The following OOSP1 variants were observed in gnomAD, a reference collection of about 807,000 sequenced individuals.
OOSP1 encodes the protein putative oocyte-secreted protein 1 homolog.
OOSP1 carries 11 observed loss-of-function variants against 5.7 expected under a neutral mutation model. That is an observed-to-expected ratio of 1.94 (90% confidence interval 1.22 to 3.20). The LOEUF (loss-of-function observed/expected upper bound fraction) is 3.20. Among genes scored for constraint, OOSP1 ranks in the 30% most tolerant of loss-of-function variants. The pLI, the probability that OOSP1 is intolerant of heterozygous loss-of-function variation, is 0.00. For synonymous variants in OOSP1, 44 were observed against 20.0 expected, an observed-to-expected ratio of 2.20 and a Z score of -3.20; for missense variants, 83 against 54.1, an observed-to-expected ratio of 1.53 and a Z score of -1.67.
intron 2 of OOSP1, 119 bp from the exon 3 acceptor site, chr11:59,945,050 G>A: frequency 1.6e-6 from 1 of 638,854 alleles, no homozygotes; most frequent in Non-Finnish European, 2.8e-6. Flanking sequence ...TTATAGTTGA[G>A]TGAGAGTGTG....
At chr11:59,952,915 C>T (rs188208027) in intron 4 of OOSP1, among the ~76,000 whole-genome samples, 54 of 152,248 alleles carry the variant, frequency 3.5e-4, no homozygotes, top group Admixed American at 1.8e-3. Context: ...CCCATTCAAT[C>T]GTTCCTTCTA....
intron 3 of OOSP1, among the ~76,000 whole-genome samples, chr11:59,947,313 G>A (rs1853894678): frequency 6.6e-6 from 1 of 151,784 alleles, no homozygotes. Flanking sequence ...TTAAGTGGTT[G>A]AGCCTCCTTA....
intron 3 of OOSP1, among the ~76,000 whole-genome samples, chr11:59,945,782 A>T (rs1853876969): frequency 1.4e-5 from 2 of 146,246 alleles, no homozygotes; most frequent in South Asian, 2.2e-4. Flanking sequence ...AAAAAATGTC[A>T]GAGACTGGGT....
chr11:59,942,744 G>C (rs1325151175), intron 1 of OOSP1, 103 bp from the exon 2 acceptor site: 3 of 600,220 alleles, frequency 5.0e-6, no homozygotes, highest in Admixed American at 2.9e-5. Context: ...TTTTGTTTTA[G>C]TAAGGGATGA....
chr11:59,952,967 A>G (rs1167209975), intron 4 of OOSP1, among the ~76,000 whole-genome samples: 1 of 151,770 alleles, frequency 6.6e-6, no homozygotes, highest in Non-Finnish European at 1.5e-5. Context: ...GCCCCTTCCC[A>G]TTTTCCATTA....
Position 59,938,537 on chromosome 11 carries a change from C to T in OOSP1, c.76+7C>T, listed in dbSNP as rs777230334. The T allele has an allele frequency of 7.4e-6, 4 of 538,108 alleles. No individual in the cohort carries two copies. Among genetic ancestry groups the T allele is most frequent in the East Asian group, 6.5e-5 (2 of 30,892 alleles). The allele number at this position is 538,108 out of a possible 1,614,324, so 33.3% of individuals were successfully genotyped here. A position where few individuals can be genotyped will look rare whatever the true frequency, so the allele number is the denominator to read the frequency against. ...TGCGCTGGGGACTGGTCAGGTATAACTTATCACTTGGGGAATAGAAGTTTC... is the reference window on the plus strand; with the variant it reads ...TGCGCTGGGGACTGGTCAGGTATAATTTATCACTTGGGGAATAGAAGTTTC... On this transcript the variant is annotated splice_region_variant and intron_variant, in intron 1 of 4. Transcript: ENST00000646685.
At chr11:59,945,077 T>C in intron 2 of OOSP1, 92 bp from the exon 3 acceptor site, 1 of 668,658 alleles carries the variant, frequency 1.5e-6, no homozygotes. Context: ...TTTAGAAAGC[T>C]TGATGTATCT....
At chr11:59,953,325 G>T (rs1853959550) in intron 4 of OOSP1, among the ~76,000 whole-genome samples, 2 of 151,916 alleles carry the variant, frequency 1.3e-5, no homozygotes, top group South Asian at 4.1e-4. Context: ...TCAGGCTCTG[G>T]TCTCCTGACT....
chr11:59,940,070 G>A (rs111710144), intron 1 of OOSP1, among the ~76,000 whole-genome samples: 11 of 152,180 alleles, frequency 7.2e-5, no homozygotes, highest in South Asian at 2.1e-4. Flanking sequence ...TTAAGATTTC[G>A]GAATTGCAGT....
At chr11:59,945,642 T>A (rs1241730554) in intron 3 of OOSP1, among the ~76,000 whole-genome samples, 9 of 149,622 alleles carry the variant, frequency 6.0e-5, no homozygotes, top group Non-Finnish European at 1.3e-4. Flanking sequence ...TCCCAGCTAC[T>A]TGGGAGCTTG....
At chr11:59,956,615 G>C (rs887965847) in intron 4 of OOSP1, among the ~76,000 whole-genome samples, 7 of 152,018 alleles carry the variant, frequency 4.6e-5, no homozygotes, top group Non-Finnish European at 1.0e-4. Flanking sequence ...ACATGAGTAA[G>C]TTCTTCAGTG....
intron 4 of OOSP1, among the ~76,000 whole-genome samples, chr11:59,952,053 A>G (rs1258240141): frequency 6.6e-6 from 1 of 152,118 alleles, no homozygotes; most frequent in Non-Finnish European, 1.5e-5. Context: ...AATCAATGGT[A>G]TAACATGAAT....
chr11:59,945,980 T>TA (rs1212182665), intron 3 of OOSP1, among the ~76,000 whole-genome samples: 1 of 151,658 alleles, frequency 6.6e-6, no homozygotes, highest in African/African-American at 2.4e-5. Context: ...TGCACACTTT[T>TA]AAAAAACCAC....
At chr11:59,940,706 C>G (rs1217266602) in intron 1 of OOSP1, among the ~76,000 whole-genome samples, 1 of 152,156 alleles carries the variant, frequency 6.6e-6, no homozygotes, top group Non-Finnish European at 1.5e-5. Context: ...AGGAATGGGA[C>G]TGTGAGGCCA....
At chr11:59,948,224 A>G (rs888367918) in intron 4 of OOSP1, among the ~76,000 whole-genome samples, 1 of 152,226 alleles carries the variant, frequency 6.6e-6, no homozygotes, top group African/African-American at 2.4e-5. Context: ...TGGCTTAGAT[A>G]TGTTGATGAT....
intron 2 of OOSP1, among the ~76,000 whole-genome samples, 193 bp from the exon 3 acceptor site, chr11:59,944,976 G>A (rs1415933076): frequency 2.0e-5 from 3 of 152,212 alleles, no homozygotes; most frequent in Non-Finnish European, 2.9e-5. Flanking sequence ...TGCAAGCACT[G>A]TGCCAGATTT....
At chr11:59,949,066 A>G (rs1853914676) in intron 4 of OOSP1, 3 of 296,710 alleles carry the variant, frequency 1.0e-5, no homozygotes, top group Admixed American at 5.1e-5. Context: ...ACTTGTATGT[A>G]ATTTTAAGCT....
intron 3 of OOSP1, among the ~76,000 whole-genome samples, chr11:59,946,941 A>ATCTG (rs1397234489): frequency 6.6e-6 from 1 of 150,538 alleles, no homozygotes; most frequent in Non-Finnish European, 1.5e-5. Context: ...CTATCTATCT[A>ATCTG]TCTATCTATC....
chr11:59,940,568 A>G (rs1010886032), intron 1 of OOSP1, among the ~76,000 whole-genome samples: 9 of 152,218 alleles, frequency 5.9e-5, no homozygotes, highest in African/African-American at 2.2e-4. Flanking sequence ...TTTAATTACT[A>G]TTTAGCAGTC....
Sources: gnomAD v4.1 joint callset for allele counts (sites outside exome capture counted in the v4.1 genomes callset) on GRCh38, gnomAD v4.1.1 for gene constraint, MANE v1.5 for transcripts, NCBI Gene and HGNC (gene_info 2026-07-23, HGNC 2026-07-21) for gene names.